Variants in NAALADL2 observed in about 807,000 individuals in gnomAD.
NAALADL2 encodes inactive N-acetylated-alpha-linked acidic dipeptidase-like protein 2.
Under a neutral mutation model 87.2 loss-of-function variants are expected in NAALADL2, and 76 were observed. The observed-to-expected ratio is 0.87, with a 90% confidence interval of 0.72 to 1.05. The LOEUF (loss-of-function observed/expected upper bound fraction) is 1.05, where lower values mean the gene tolerates loss of function less well. Among genes scored for constraint, NAALADL2 ranks in the 50% least tolerant of loss-of-function variants. NAALADL2 has a pLI of 0.00. For missense variants in NAALADL2, 1,089 were observed against 945.8 expected, an observed-to-expected ratio of 1.15 and a Z score of -1.99; for synonymous variants, 354 against 331.0, an observed-to-expected ratio of 1.07 and a Z score of -0.75.
chr3:174,940,124 T>C (rs1403720007), intron 1 of NAALADL2, among the ~76,000 whole-genome samples: 1 of 152,192 alleles, frequency 6.6e-6, no homozygotes, highest in African/African-American at 2.4e-5. Context: ...CTTTTGCCCA[T>C]TTAATATAAT....
intron 6 of NAALADL2, among the ~76,000 whole-genome samples, chr3:175,460,975 C>T (rs1723035277): frequency 6.6e-6 from 1 of 152,196 alleles, no homozygotes; most frequent in East Asian, 1.9e-4. Context: ...CCACCCACGT[C>T]CTGCTGATTG....
Position 174,689,828 on chromosome 3 carries a change from G to A in NAALADL2, c.-114-47813G>A, listed in dbSNP as rs574238757. On this transcript the variant is annotated intron_variant, in intron 2 of 3. Coordinates refer to the NAALADL2 transcript ENST00000434257. ...TACAGTTTAGGAAAACTCAAATGTT[G>A]GGAAAGAATGTTCTAAAGTCAGAGC... Among the ~76,000 whole-genome samples, 6 of 152,172 alleles carry A rather than the reference G, an allele frequency of 3.9e-5. No individual in the cohort carries two copies. In the East Asian group the frequency reaches 7.7e-4, roughly 20 times the overall value.
At chr3:175,208,266 T>C (rs538352288) in intron 2 of NAALADL2, among the ~76,000 whole-genome samples, 12 of 152,156 alleles carry the variant, frequency 7.9e-5, no homozygotes, top group South Asian at 2.1e-4. Flanking sequence ...TTCAGCAGTT[T>C]GGGTATGTCA....
At chr3:175,719,089 G>T (rs909287709) in intron 11 of NAALADL2, among the ~76,000 whole-genome samples, 1 of 152,052 alleles carries the variant, frequency 6.6e-6, no homozygotes, top group Non-Finnish European at 1.5e-5. Context: ...TGAATCTTCA[G>T]GAAGGAAGAT....
intron 1 of NAALADL2, among the ~76,000 whole-genome samples, chr3:174,499,797 G>A (rs975905504): frequency 6.6e-6 from 1 of 151,920 alleles, no homozygotes. Flanking sequence ...CTATCTCTAA[G>A]CTGACACTGT....
intron 3 of NAALADL2, among the ~76,000 whole-genome samples, chr3:174,806,110 C>T (rs1302989850): frequency 6.6e-6 from 1 of 152,176 alleles, no homozygotes; most frequent in Non-Finnish European, 1.5e-5. Context: ...TAGGCCCTTT[C>T]TATATTATCA....
At chr3:175,158,731 GAAA>G (rs1732697648) in intron 2 of NAALADL2, among the ~76,000 whole-genome samples, 1 of 151,836 alleles carries the variant, frequency 6.6e-6, no homozygotes, top group South Asian at 2.1e-4. Flanking sequence ...TTTCTGCCAA[GAAA>G]AAGGAGCAAA....
intron 3 of NAALADL2, among the ~76,000 whole-genome samples, chr3:174,828,397 C>G (rs1242675494): frequency 6.6e-6 from 1 of 152,102 alleles, no homozygotes; most frequent in Non-Finnish European, 1.5e-5. Context: ...AATTTAATTG[C>G]TTGGCATCAT....
intron 4 of NAALADL2, among the ~76,000 whole-genome samples, chr3:175,293,928 G>A (rs1755981471): frequency 1.3e-5 from 2 of 152,170 alleles, no homozygotes; most frequent in Admixed American, 6.5e-5. Context: ...GACTTACTTG[G>A]CCTTTAGTAT....
intron 1 of NAALADL2, among the ~76,000 whole-genome samples, chr3:174,522,385 A>G (rs1202485608): frequency 6.6e-6 from 1 of 152,136 alleles, no homozygotes; most frequent in Non-Finnish European, 1.5e-5. Context: ...AGAGACTGCA[A>G]GGGCTGAGCT....
At chr3:175,206,998 G>A (rs2109223997) in intron 2 of NAALADL2, among the ~76,000 whole-genome samples, 1 of 152,214 alleles carries the variant, frequency 6.6e-6, no homozygotes, top group African/African-American at 2.4e-5. Flanking sequence ...ACATACACTG[G>A]AGATACACAC....
chr3:174,833,448 A>G lies in NAALADL2; in HGVS notation c.-9+95702A>G, dbSNP rs140806365. Reference sequence around the variant, plus strand: ...TCCAGAAAGGAAGCTCCAGGCTTAGATGGCTTCACTAGCAAATAGTATCAT... The same window carrying G: ...TCCAGAAAGGAAGCTCCAGGCTTAGGTGGCTTCACTAGCAAATAGTATCAT... On this transcript the variant is annotated intron_variant, in intron 3 of 3. Transcript: ENST00000434257. Among the ~76,000 whole-genome samples, 438 of 152,302 alleles carry G rather than the reference A, an allele frequency of 2.9e-3. 2 individuals carry two copies. The highest frequency in any genetic ancestry group is 9.6e-3 in the African/African-American group (400 of 41,572).
At chr3:174,832,219 C>T (rs1182181463) in intron 3 of NAALADL2, among the ~76,000 whole-genome samples, 1 of 152,006 alleles carries the variant, frequency 6.6e-6, no homozygotes, top group African/African-American at 2.4e-5. Flanking sequence ...AATTTTGGAT[C>T]TTTCCTGCTT....
intron 5 of NAALADL2, among the ~76,000 whole-genome samples, chr3:175,391,379 C>A (rs960735467): frequency 6.6e-6 from 1 of 152,056 alleles, no homozygotes; most frequent in Non-Finnish European, 1.5e-5. Flanking sequence ...ACAAAGAGAC[C>A]ATAGCTTCCT....
At chr3:174,965,227 C>A (rs2108579188) in intron 1 of NAALADL2, among the ~76,000 whole-genome samples, 1 of 152,168 alleles carries the variant, frequency 6.6e-6, no homozygotes, top group East Asian at 1.9e-4. Context: ...GGCGGGAGGC[C>A]ACAATTCCTT....
upstream of NAALADL2, among the ~76,000 whole-genome samples, chr3:174,854,826 CT>C (rs1172512711): frequency 1.1e-4 from 15 of 134,200 alleles, no homozygotes; most frequent in East Asian, 4.5e-4. Flanking sequence ...ATGTGCTTTG[CT>C]TTTTTTTCTT....
At chr3:175,572,635 G>A (rs957806770) in intron 9 of NAALADL2, among the ~76,000 whole-genome samples, 1 of 152,100 alleles carries the variant, frequency 6.6e-6, no homozygotes, top group African/African-American at 2.4e-5. Context: ...CATGGAAATG[G>A]AATGCAATGA....
chr3:174,974,413 A>T lies in NAALADL2; in HGVS notation c.43+114963A>T, dbSNP rs180813853. Among the ~76,000 whole-genome samples the T allele has an allele frequency of 2.6e-4, 40 of 152,268 alleles. No homozygotes were observed. In the East Asian group the frequency reaches 7.1e-3, roughly 27 times the overall value. On this transcript the variant is annotated intron_variant, in intron 1 of 13. Transcript: ENST00000454872. ...ATCCCAGGTACAAGCAATGCTTCTT[A>T]TTTGCTGTGGAACTTAGGTAAGTCA...
At chr3:175,650,293 G>T (rs1730587284) in intron 11 of NAALADL2, among the ~76,000 whole-genome samples, 1 of 152,142 alleles carries the variant, frequency 6.6e-6, no homozygotes, top group Non-Finnish European at 1.5e-5. Flanking sequence ...GAAAGCAGAG[G>T]TTGTCCAAGA....
Sources: gnomAD v4.1 joint callset for allele counts (sites outside exome capture counted in the v4.1 genomes callset) on GRCh38, gnomAD v4.1.1 for gene constraint, MANE v1.5 for transcripts, NCBI Gene and HGNC (gene_info 2026-07-23, HGNC 2026-07-21) for gene names.